The following TMEM196 variants were observed in gnomAD, a reference collection of about 807,000 sequenced individuals.
TMEM196 encodes transmembrane protein 196.
In TMEM196, 17 loss-of-function variants were observed where a neutral mutation model predicts 20.0. The observed-to-expected ratio is 0.85, with a 90% CI of 0.58 to 1.27. TMEM196 has a LOEUF of 1.27. TMEM196 is among the 50% of genes most tolerant of loss of function. The probability of loss-of-function intolerance (pLI) is 0.00; values close to 1 mark genes in which losing one functional copy is unlikely to be tolerated. For synonymous variants in TMEM196, 113 were observed against 88.9 expected (o/e 1.27, Z -1.52); for missense variants, 267 against 223.0 (o/e 1.20, Z -1.26).
intron 1 of TMEM196, among the ~76,000 whole-genome samples, chr7:19,752,252 G>A (rs12386623): frequency 0.15 from 23,332 of 152,090 alleles, 2,179 homozygotes; most frequent in East Asian, 0.42. Context: ...TACATTGTCA[G>A]CTTCAGACTC....
rs1785955947 is a variant in TMEM196 at position 19,773,021 on chromosome 7, G to A, written c.-325C>T. On this transcript the variant is annotated 5_prime_UTR_variant, in exon 1 of 5. Transcript: ENST00000405844. The stretch of plus-strand genomic sequence containing the variant: ...AACCTGGAGGAGCCCAGGGAGCTCC[G>A]AGCCTTGCTCCCCAGGCGCTGTCCA... 9.4e-6 allele frequency: 2 copies of A among 212,814 alleles called. No individual in the cohort carries two copies. Among genetic ancestry groups the A allele is most frequent in the East Asian group, 2.0e-4 (2 of 10,138 alleles). The allele number at this position is 212,814 out of a possible 1,614,324, so 13.2% of individuals were successfully genotyped here.
chr7:19,748,016 A>C (rs1340656208), intron 1 of TMEM196, among the ~76,000 whole-genome samples: 5 of 152,112 alleles, frequency 3.3e-5, no homozygotes, highest in Non-Finnish European at 7.4e-5. Context: ...GATTTGTAAA[A>C]AGGATTACTT....
chr7:19,751,652 A>C lies in TMEM196; in HGVS notation c.147+20898T>G, dbSNP rs71526306. ...GTATATTTCTAATGTCCAATAAACT[A>C]TAAATAAATGGAGCTGTTAATAATT... On this transcript the variant is annotated intron_variant, in intron 1 of 4. Transcript: ENST00000405844. Among the ~76,000 whole-genome samples the C allele has an allele frequency of 4.3e-4, 66 of 152,370 alleles. 1 individual carries two copies. The Middle Eastern group carries it at 0.01, about 24-fold the overall frequency.
At chr7:19,753,211 C>G (rs897045947) in intron 1 of TMEM196, among the ~76,000 whole-genome samples, 9 of 152,028 alleles carry the variant, frequency 5.9e-5, no homozygotes, top group African/African-American at 2.2e-4. Flanking sequence ...TGGCTTATTA[C>G]GTTTTGACTC....
chr7:19,740,655 G>A (rs1021777469), intron 1 of TMEM196, among the ~76,000 whole-genome samples: 1 of 152,102 alleles, frequency 6.6e-6, no homozygotes, highest in Admixed American at 6.6e-5. Context: ...TGGAATGAGA[G>A]GGTGGCACCC....
rs1305859878 is a variant in TMEM196, at chr7:19,719,905, A to T, written c.*2223T>A. On this transcript the variant is annotated 3_prime_UTR_variant, in exon 5 of 5. Transcript: ENST00000405844. ...GTGATATGTCTCCTTTTGTCCTTTA[A>T]TGTGTTATGTTATAGATCAGTTCAA... is the stretch of plus-strand genomic sequence containing the variant. The T allele has an allele frequency of 6.6e-6, 1 of 152,006 alleles. No individual in the cohort carries two copies. The highest frequency in any genetic ancestry group is 1.5e-5 in the Non-Finnish European group (1 of 67,928). The allele number at this position is 152,006 out of a possible 1,614,324, so 9.4% of individuals were successfully genotyped here.
At chr7:19,731,668 C>G (rs1002208612) in intron 1 of TMEM196, among the ~76,000 whole-genome samples, 9 of 152,236 alleles carry the variant, frequency 5.9e-5, no homozygotes, top group Non-Finnish European at 8.8e-5. Flanking sequence ...CAGTAAAGCC[C>G]AAGAGGTGGT....
At chr7:19,762,476 G>A (rs868168993) in intron 1 of TMEM196, among the ~76,000 whole-genome samples, 20 of 152,120 alleles carry the variant, frequency 1.3e-4, no homozygotes, top group Middle Eastern at 6.8e-3. Flanking sequence ...TTGTGCGACT[G>A]TATTATATAG....
chr7:19,737,761 A>AG (rs1258981417), intron 1 of TMEM196, among the ~76,000 whole-genome samples: 3 of 151,940 alleles, frequency 2.0e-5, no homozygotes, highest in African/African-American at 7.2e-5. Flanking sequence ...AGGGAGGTAA[A>AG]GGGGGTTGAA....
At chr7:19,745,570 A>G (rs1450409110) in intron 1 of TMEM196, among the ~76,000 whole-genome samples, 1 of 151,918 alleles carries the variant, frequency 6.6e-6, no homozygotes, top group Non-Finnish European at 1.5e-5. Context: ...CACAGCTAGA[A>G]TAAATTTATT....
chr7:19,767,184 A>G (rs1306218934), intron 1 of TMEM196, among the ~76,000 whole-genome samples: 1 of 152,154 alleles, frequency 6.6e-6, no homozygotes. Flanking sequence ...TAAGAAATTC[A>G]TGAAATAAAG....
At chr7:19,731,873 C>A (rs1038764763) in intron 1 of TMEM196, among the ~76,000 whole-genome samples, 1 of 152,176 alleles carries the variant, frequency 6.6e-6, no homozygotes. Flanking sequence ...AATGTAAATA[C>A]TCTCCAACTG....
chr7:19,730,918 A>G (rs1478293810), intron 1 of TMEM196, among the ~76,000 whole-genome samples: 1 of 152,232 alleles, frequency 6.6e-6, no homozygotes, highest in African/African-American at 2.4e-5. Flanking sequence ...TATTTGCCCA[A>G]TAAATAGAGC....
chr7:19,734,557 C>T (rs1236202037), intron 1 of TMEM196, among the ~76,000 whole-genome samples: 2 of 152,088 alleles, frequency 1.3e-5, no homozygotes, highest in African/African-American at 4.8e-5. Context: ...GAAGCAGAAG[C>T]CTATGTGTTG....
intron 1 of TMEM196, among the ~76,000 whole-genome samples, chr7:19,750,616 C>A (rs1411536712): frequency 6.6e-6 from 1 of 152,006 alleles, no homozygotes; most frequent in Non-Finnish European, 1.5e-5. Flanking sequence ...ATTTTCTACT[C>A]CCAAATAGGA....
chr7:19,772,560 T>C lies in TMEM196; in HGVS notation c.137A>G (p.Asp46Gly), dbSNP rs779464254. ...ALREHKPQLGDSSPFLLCGIC... is the reference protein window; with the variant it reads ...ALREHKPQLGGSSPFLLCGIC... ...CACCCCGCTCCATACCGGGGACGAGTCTCCGAGCTGCGGCTTGTGCTCTCG... is the reference window on the plus strand; with the variant it reads ...CACCCCGCTCCATACCGGGGACGAGCCTCCGAGCTGCGGCTTGTGCTCTCG... Residue 46 changes from aspartate (D) to glycine (G), a missense_variant, in exon 1 of 5, where the codon GAC becomes GGC. Coordinates refer to ENST00000405844, the MANE Select transcript of TMEM196 (RefSeq NM_001363562.2). 7.8e-6 allele frequency: 12 copies of C among 1,540,128 alleles called. No homozygotes were observed. The highest frequency in any genetic ancestry group is 4.0e-5 in the Admixed American group (2 of 49,784).
chr7:19,721,997 CTG>C lies in TMEM196; in HGVS notation c.*129_*130del. The C allele has an allele frequency of 8.1e-7, 1 of 1,241,832 alleles. No homozygotes were observed. Among genetic ancestry groups the C allele is most frequent in the Non-Finnish European group, 1.2e-6 (1 of 866,340 alleles). 76.9% of individuals were successfully genotyped at this position (1,241,832 alleles called of 1,614,324 possible). A position where few individuals can be genotyped will look rare whatever the true frequency, so the allele number is the denominator to read the frequency against. ...GGAGAGATAAATGCAAATGCAAAAACTGTTTTATTTTCTAGTCCTTTGGTGTC... is the reference window on the plus strand; with the variant it reads ...GGAGAGATAAATGCAAATGCAAAAACTTTTATTTTCTAGTCCTTTGGTGTC... On this transcript the variant is annotated 3_prime_UTR_variant, in exon 5 of 5. Coordinates refer to ENST00000405844, the MANE Select transcript of TMEM196 (RefSeq NM_001363562.2).
intron 1 of TMEM196, among the ~76,000 whole-genome samples, chr7:19,752,234 T>A (rs772450132): frequency 1.3e-5 from 2 of 152,190 alleles, no homozygotes; most frequent in African/African-American, 2.4e-5. Context: ...ATGAAAGAGA[T>A]CTAGACTTAC....
intron 1 of TMEM196, among the ~76,000 whole-genome samples, chr7:19,737,612 A>G (rs1386499466): frequency 2.0e-5 from 3 of 151,988 alleles, no homozygotes; most frequent in African/African-American, 7.2e-5. Context: ...ACTCAAAGAC[A>G]TGGGTAGAAT....
Sources: gnomAD v4.1 joint callset for allele counts (sites outside exome capture counted in the v4.1 genomes callset) on GRCh38, gnomAD v4.1.1 for gene constraint, MANE v1.5 for transcripts, NCBI Gene and HGNC (gene_info 2026-07-23, HGNC 2026-07-21) for gene names.